COMMD2: variants seen among roughly 807,000 people sequenced by gnomAD.
COMMD2 encodes COMM domain-containing protein 2.
COMMD2 carries 25 observed loss-of-function variants against 22.5 expected under a neutral mutation model. That is an observed-to-expected ratio of 1.11 (90% CI 0.81 to 1.55). The LOEUF (loss-of-function observed/expected upper bound fraction) is 1.55, where lower values mean the gene tolerates loss of function less well. Ranked by LOEUF, COMMD2 falls within the 40% of genes most tolerant of loss-of-function variation. The pLI is 0.00. For missense variants in COMMD2, 223 were observed against 232.9 expected, an observed-to-expected ratio of 0.96 and a Z score of 0.28; for synonymous variants, 98 against 91.2, an observed-to-expected ratio of 1.07 and a Z score of -0.42.
chr3:149,750,581 C>A, intron 4 of COMMD2, 97 bp downstream of exon 4: 1 of 815,488 alleles, frequency 1.2e-6, no homozygotes, highest in South Asian at 2.2e-5. Context: ...AGTTTCAAAC[C>A]GCATCTTAGT....
rs1716192231 is a variant in COMMD2, at chr3:149,740,872, T to A, written c.*649A>T. ...ATATATACAGAACATATAGATTCAT[T>A]TCTAGTTGATTCAATCCTATTTATG... On this transcript the variant is annotated 3_prime_UTR_variant, in exon 5 of 5. Coordinates refer to ENST00000473414, the MANE Select transcript of COMMD2 (RefSeq NM_016094.4). 1 of 152,582 alleles carries A rather than the reference T, an allele frequency of 6.6e-6. No homozygotes were observed. The highest frequency in any genetic ancestry group is 1.5e-5 in the Non-Finnish European group (1 of 68,026). 9.5% of individuals were successfully genotyped at this position (152,582 alleles called of 1,614,324 possible).
At position 149,741,608 on chromosome 3, in the gene COMMD2, G is replaced by A. The variant is rs768649706; in HGVS notation, c.513C>T (p.Thr171=). Reference sequence around the variant, plus strand: ...CCAGTTGTTGAACCAAATGGAGCAGGGTGGCTGGGTCTGTCTGCAGAACTT... The same window carrying A: ...CCAGTTGTTGAACCAAATGGAGCAGAGTGGCTGGGTCTGTCTGCAGAACTT... The part of the protein sequence containing the change: ...NTKVLQTDPA[T]LLHLVQQLEQ... Residue 171 remains threonine, a synonymous_variant, in exon 5 of 5, where the codon ACC becomes ACT. Coordinates refer to ENST00000473414, the MANE Select transcript of COMMD2 (RefSeq NM_016094.4). 1.2e-6 allele frequency: 2 copies of A among 1,613,868 alleles called. No homozygotes were observed. The highest frequency in any genetic ancestry group is 1.7e-5 in the Admixed American group (1 of 60,000).
intron 4 of COMMD2, among the ~76,000 whole-genome samples, chr3:149,743,408 G>A (rs551636638): frequency 3.3e-5 from 5 of 152,136 alleles, no homozygotes; most frequent in Non-Finnish European, 7.4e-5. Context: ...ATCAAAAATA[G>A]TGGAGTCATG....
chr3:149,751,100 C>G (rs1716516331), intron 3 of COMMD2, among the ~76,000 whole-genome samples: 1 of 152,144 alleles, frequency 6.6e-6, no homozygotes, highest in South Asian at 2.1e-4. Flanking sequence ...CCAGATACTG[C>G]TGATACGCAA....
At chr3:149,745,695 ATTGT>A (rs1168648240) in intron 4 of COMMD2, among the ~76,000 whole-genome samples, 2 of 152,062 alleles carry the variant, frequency 1.3e-5, no homozygotes, top group Non-Finnish European at 2.9e-5. Context: ...TATCTTTTTT[ATTGT>A]TTATCTGCAT....
chr3:149,752,163 C>T, intron 2 of COMMD2, 47 bp downstream of exon 2: 2 of 1,527,944 alleles, frequency 1.3e-6, no homozygotes, highest in Non-Finnish European at 1.8e-6. Context: ...GGGAATGGCT[C>T]GCAACCGCCC....
chr3:149,750,719 G>A lies in COMMD2; in HGVS notation c.361C>T (p.Leu121Phe), dbSNP rs1716505295. 3 of 1,597,078 alleles carry A rather than the reference G, an allele frequency of 1.9e-6. No homozygotes were observed. Among genetic ancestry groups the A allele is most frequent in the Middle Eastern group, 1.7e-4 (1 of 6,028 alleles). ...RTILSELAPS[L>F]PSYHNLEWRL... ...CATTCAAGGTTATGATAACTGGGAA[G>A]GCTTGGTGCCAATTCACTCAGAATC... is the stretch of plus-strand genomic sequence containing the variant. Residue 121 changes from leucine to phenylalanine, a missense_variant, in exon 4 of 5, where the codon CTT becomes TTT. Physicochemically the swap from Leu to Phe is conservative, Grantham distance 22. Transcript: ENST00000473414.
intron 4 of COMMD2, among the ~76,000 whole-genome samples, chr3:149,749,356 C>T (rs998544560): frequency 2.6e-5 from 4 of 152,138 alleles, no homozygotes; most frequent in Admixed American, 1.3e-4. Context: ...AGGTCTAAAC[C>T]CCTCTAACCA....
chr3:149,751,278 A>C (rs1299850107), intron 3 of COMMD2, 125 bp downstream of exon 3: 4 of 1,459,248 alleles, frequency 2.7e-6, no homozygotes, highest in Non-Finnish European at 3.7e-6. Flanking sequence ...GTCTTCAAAA[A>C]ATCAATTATA....
rs1053399017 is a variant in COMMD2, at chr3:149,751,684, C to T, written c.146-199G>A. On this transcript the variant is annotated intron_variant, in intron 2 of 4. Coordinates refer to ENST00000473414, the MANE Select transcript of COMMD2 (RefSeq NM_016094.4). ...CCTTTGGTATTTCCCACCAAGTAAC[C>T]TTAACAAAATGCAGAACTGTGGAGA... The T allele has an allele frequency of 1.0e-5, 5 of 489,262 alleles. No homozygotes were observed. The Admixed American group carries it at 1.5e-4, about 14-fold the overall frequency. 30.3% of individuals were successfully genotyped at this position (489,262 alleles called of 1,614,324 possible).
At chr3:149,742,768 A>G (rs893032214) in intron 4 of COMMD2, among the ~76,000 whole-genome samples, 1 of 152,100 alleles carries the variant, frequency 6.6e-6, no homozygotes, top group Non-Finnish European at 1.5e-5. Flanking sequence ...GGAGCTTGAG[A>G]CCAGCCCGGC....
chr3:149,745,477 T>C (rs1553739695), intron 4 of COMMD2, among the ~76,000 whole-genome samples: 1 of 152,246 alleles, frequency 6.6e-6, no homozygotes, highest in Non-Finnish European at 1.5e-5. Flanking sequence ...CCTGCGTTCA[T>C]GCCTATTAAA....
At chr3:149,742,984 AAAAG>A (rs1422477130) in intron 4 of COMMD2, among the ~76,000 whole-genome samples, 1 of 151,298 alleles carries the variant, frequency 6.6e-6, no homozygotes, top group African/African-American at 2.4e-5. Context: ...AAAAAAAAGA[AAAAG>A]AAAAAGAAAA....
chr3:149,742,853 C>T (rs1296103257), intron 4 of COMMD2, among the ~76,000 whole-genome samples: 2 of 151,560 alleles, frequency 1.3e-5, no homozygotes, highest in Non-Finnish European at 2.9e-5. Flanking sequence ...GTAGTCCCAG[C>T]TACTTGGGAG....
At chr3:149,742,223 T>C (rs949001647) in intron 4 of COMMD2, among the ~76,000 whole-genome samples, 2 of 152,146 alleles carry the variant, frequency 1.3e-5, no homozygotes, top group African/African-American at 2.4e-5. Context: ...ATCAGGATAA[T>C]AGCCAGTAAA....
In COMMD2 at chr3:149,739,649, A is replaced by G. The variant is rs1013537959; in HGVS notation, c.*1872T>C. The G allele has an allele frequency of 2.6e-5, 4 of 152,314 alleles. No homozygotes were observed. The highest frequency in any genetic ancestry group is 2.1e-4 in the South Asian group (1 of 4,830). 9.4% of individuals were successfully genotyped at this position (152,314 alleles called of 1,614,324 possible). A position where few individuals can be genotyped will look rare whatever the true frequency, so the allele number is the denominator to read the frequency against. On this transcript the variant is annotated 3_prime_UTR_variant, in exon 5 of 5. Transcript: ENST00000473414. ...CTTCCATCGAAGGTGGACAAATAAA[A>G]ACCCTTACAGAGGTATTTTTTATCA...
At chr3:149,748,907 T>A (rs1028863911) in intron 4 of COMMD2, among the ~76,000 whole-genome samples, 4 of 152,210 alleles carry the variant, frequency 2.6e-5, no homozygotes, top group Non-Finnish European at 5.9e-5. Flanking sequence ...GGAAAAATAA[T>A]GTGTAAGGCC....
intron 4 of COMMD2, among the ~76,000 whole-genome samples, chr3:149,742,293 C>T (rs145529186): frequency 1.3e-5 from 2 of 152,108 alleles, no homozygotes; most frequent in African/African-American, 4.8e-5. Context: ...CCTGTTCATA[C>T]CAAGCATTGC....
Position 149,752,360 on chromosome 3 carries a change from G to A in COMMD2, c.67+18C>T, listed in dbSNP as rs762811636. The A allele has an allele frequency of 3.1e-6, 5 of 1,613,858 alleles. No homozygotes were observed. Among genetic ancestry groups the A allele is most frequent in the Admixed American group, 1.7e-5 (1 of 59,998 alleles). ...CCTCCTCCCCAGCCCACAGAACACC[G>A]CCCCCACGCCCGCTGACCCGCGCTG... On this transcript the variant is annotated intron_variant, in intron 1 of 4. Transcript: ENST00000473414.
Sources: allele counts gnomAD v4.1 joint callset (sites outside exome capture counted in the v4.1 genomes callset), GRCh38; gene constraint gnomAD v4.1.1; transcripts MANE v1.5; gene names NCBI Gene and HGNC (gene_info 2026-07-23, HGNC 2026-07-21).